PDE3B: variants seen among roughly 807,000 people sequenced by gnomAD.
The protein encoded by PDE3B is cGMP-inhibited 3',5'-cyclic phosphodiesterase 3B.
Under a neutral mutation model 116.8 loss-of-function variants are expected in PDE3B, and 66 were observed. That is an observed-to-expected ratio of 0.56 (90% CI 0.46 to 0.69). PDE3B has a LOEUF of 0.69. PDE3B is among the 30% of genes least tolerant of loss of function. The pLI is 0.00. For synonymous variants in PDE3B, 595 were observed against 533.6 expected (o/e 1.12, Z -1.59); for missense variants, 1,384 against 1,368.1 (o/e 1.01, Z -0.18).
intron 12 of PDE3B, among the ~76,000 whole-genome samples, chr11:14,849,493 T>C (rs1260450971): frequency 6.6e-6 from 1 of 152,176 alleles, no homozygotes; most frequent in Non-Finnish European, 1.5e-5. Context: ...AAATGGGATC[T>C]AATTAAACTC....
intron 1 of PDE3B, among the ~76,000 whole-genome samples, chr11:14,697,966 T>C (rs1855259365): frequency 6.6e-6 from 1 of 152,044 alleles, no homozygotes; most frequent in Non-Finnish European, 1.5e-5. Flanking sequence ...TTCTTTTTGA[T>C]CTTTATACTT....
At chr11:14,673,426 C>A (rs1160199592) in intron 1 of PDE3B, among the ~76,000 whole-genome samples, 1 of 151,870 alleles carries the variant, frequency 6.6e-6, no homozygotes, top group Admixed American at 6.6e-5. Context: ...GAAAAAGGAT[C>A]TATTACCCCT....
the PDE3B span, chr11:14,891,928 C>T: frequency 6.3e-7 from 1 of 1,582,812 alleles, no homozygotes; most frequent in South Asian, 1.1e-5. Context: ...AGGCCCTGGC[C>T]AGCCCGGGCC....
At chr11:14,787,151 TTACTG>T (rs1347613794) in intron 3 of PDE3B, among the ~76,000 whole-genome samples, 4 of 152,012 alleles carry the variant, frequency 2.6e-5, no homozygotes, top group Non-Finnish European at 5.9e-5. Context: ...CTACTGAAGA[TTACTG>T]TAGCCCAGTA....
At chr11:14,709,836 G>T (rs1855649186) in intron 1 of PDE3B, among the ~76,000 whole-genome samples, 1 of 152,110 alleles carries the variant, frequency 6.6e-6, no homozygotes, top group African/African-American at 2.4e-5. Context: ...GAAAATAATG[G>T]TGATAAAAAT....
At chr11:14,683,026 C>T (rs902121997) in intron 1 of PDE3B, among the ~76,000 whole-genome samples, 1 of 151,990 alleles carries the variant, frequency 6.6e-6, no homozygotes, top group South Asian at 2.1e-4. Context: ...CAACCTCCGC[C>T]TCCCAGGTTC....
chr11:14,780,335 A>T lies in PDE3B; in HGVS notation c.1030-6102A>T, dbSNP rs185034485. Among the ~76,000 whole-genome samples, 690 of 152,132 alleles carry T rather than the reference A, an allele frequency of 4.5e-3. 3 individuals are homozygous for T. Among genetic ancestry groups the T allele is most frequent in the African/African-American group, 0.015 (612 of 41,496 alleles). ...CGAACCTAATAGACATCTACAGAAC[A>T]CTCCACCCCAAATCAACAGAATATA... On this transcript the variant is annotated intron_variant, in intron 2 of 15. Coordinates refer to ENST00000282096, the MANE Select transcript of PDE3B (RefSeq NM_000922.4).
the PDE3B span, among the ~76,000 whole-genome samples, chr11:14,884,814 TA>T: frequency 6.6e-6 from 1 of 152,108 alleles, no homozygotes; most frequent in African/African-American, 2.4e-5. Context: ...CTTTGAAAAA[TA>T]TATACTTTTC....
chr11:14,888,403 A>T, the PDE3B span, among the ~76,000 whole-genome samples: 1 of 152,256 alleles, frequency 6.6e-6, no homozygotes, highest in South Asian at 2.1e-4. Flanking sequence ...CATGGGCTAA[A>T]TGCTAATAAC....
chr11:14,726,620 A>G (rs1048528417), intron 1 of PDE3B, among the ~76,000 whole-genome samples: 30 of 152,322 alleles, frequency 2.0e-4, no homozygotes, highest in African/African-American at 6.3e-4. Context: ...GAAGGACCCA[A>G]CAAGTTAGGA....
chr11:14,850,192 C>A (rs1355606161), intron 12 of PDE3B, among the ~76,000 whole-genome samples: 1 of 152,028 alleles, frequency 6.6e-6, no homozygotes, highest in Non-Finnish European at 1.5e-5. Context: ...TTTGTAGGGA[C>A]ATGGATGAAA....
In PDE3B at chr11:14,832,817, C is replaced by T. The variant is rs759455874; in HGVS notation, c.2190C>T (p.Gly730=). Residue 730 remains glycine, a synonymous_variant, in exon 10 of 16, where the codon GGC becomes GGT. Coordinates refer to ENST00000282096, the MANE Select transcript of PDE3B (RefSeq NM_000922.4). The part of the protein sequence containing the change: ...FMNYFRALEN[G]YRDIPYHNRI... Reference sequence around the variant, plus strand: ...ACTATTTTCGTGCATTAGAAAATGGCTATCGAGACATTCCTTGTAAGTATT... The same window carrying T: ...ACTATTTTCGTGCATTAGAAAATGGTTATCGAGACATTCCTTGTAAGTATT... 7.7e-6 allele frequency: 11 copies of T among 1,435,116 alleles called. No individual in the cohort carries two copies. The highest frequency in any genetic ancestry group is 2.3e-5 in the East Asian group (1 of 42,590). 88.9% of individuals were successfully genotyped at this position (1,435,116 alleles called of 1,614,324 possible).
intron 2 of PDE3B, chr11:14,772,731 T>C (rs1368956320): frequency 6.6e-6 from 1 of 151,996 alleles, no homozygotes; most frequent in East Asian, 1.9e-4. Context: ...AAAATGAAAA[T>C]AGAAGTATTT....
chr11:14,711,482 C>T (rs1855699961), intron 1 of PDE3B, among the ~76,000 whole-genome samples: 1 of 152,118 alleles, frequency 6.6e-6, no homozygotes, highest in Admixed American at 6.5e-5. Context: ...ATAGTGCTGG[C>T]ATCTGCTTCT....
chr11:14,830,835 C>T lies in PDE3B; in HGVS notation c.1945C>T (p.Gln649Ter), dbSNP rs1859862177. 17 of 1,495,558 alleles carry T rather than the reference C, an allele frequency of 1.1e-5. No homozygotes were observed. Among genetic ancestry groups the T allele is most frequent in the Non-Finnish European group, 1.5e-5 (17 of 1,126,550 alleles). The allele number at this position is 1,495,558 out of a possible 1,614,324, so 92.6% of individuals were successfully genotyped here. ...KWLTEEAQSE[Q>*]QTNIEQEVSL... Reference sequence around the variant, plus strand: ...GCTAACAGAAGAGGCACAGAGTGAACAGCAAACAAATGTAAAAGATAAACT... The same window carrying T: ...GCTAACAGAAGAGGCACAGAGTGAATAGCAAACAAATGTAAAAGATAAACT... Residue 649 changes from glutamine (Q) to a stop codon, truncating the protein, a stop_gained, in exon 8 of 16, where the codon CAG becomes TAG. Coordinates refer to ENST00000282096, the MANE Select transcript of PDE3B (RefSeq NM_000922.4). LOFTEE classifies it high-confidence loss of function.
At chr11:14,776,609 A>G (rs945457449) in intron 2 of PDE3B, 2 of 152,000 alleles carry the variant, frequency 1.3e-5, no homozygotes, top group African/African-American at 4.8e-5. Flanking sequence ...CAATGTGCAC[A>G]TGTACCCTAA....
chr11:14,643,895 C>T lies in PDE3B; in HGVS notation c.-181C>T, dbSNP rs545409334. The T allele has an allele frequency of 5.6e-6, 5 of 888,010 alleles. No homozygotes were observed. The African/African-American group carries it at 8.9e-5, about 16-fold the overall frequency. 55.0% of individuals were successfully genotyped at this position (888,010 alleles called of 1,614,324 possible). ...CGCCCCTCTCCTCAGCCAGCATGTC[C>T]CGGACTCCGCCGCTCCTCAGTCCGC... On this transcript the variant is annotated 5_prime_UTR_variant, in exon 1 of 16. Coordinates refer to ENST00000282096, the MANE Select transcript of PDE3B (RefSeq NM_000922.4).
rs567658227 is a variant in PDE3B, at chr11:14,808,861, A to C, written c.1522+4811A>C. Among the ~76,000 whole-genome samples, 29 of 152,320 alleles carry C rather than the reference A, an allele frequency of 1.9e-4. 1 individual carries two copies. The highest frequency in any genetic ancestry group is 6.8e-3 in the Middle Eastern group (2 of 294). ...TATAAAATATTGTTGAAATTAAAGA[A>C]GACCTAAATATATTGGAAGACATTC... is the stretch of plus-strand genomic sequence containing the variant. On this transcript the variant is annotated intron_variant, in intron 5 of 15. Transcript: ENST00000282096.
the PDE3B span, among the ~76,000 whole-genome samples, chr11:14,896,848 T>C: frequency 6.6e-6 from 1 of 152,260 alleles, no homozygotes; most frequent in African/African-American, 2.4e-5. Flanking sequence ...TTCATAAACA[T>C]TCTTATATTG....
Sources: allele counts gnomAD v4.1 joint callset (sites outside exome capture counted in the v4.1 genomes callset), GRCh38; gene constraint gnomAD v4.1.1; transcripts MANE v1.5; gene names NCBI Gene and HGNC (gene_info 2026-07-23, HGNC 2026-07-21).